SLC39A9: variants seen among roughly 807,000 people sequenced by gnomAD.
SLC39A9 encodes solute carrier family 39 member 9.
SLC39A9 carries 14 observed loss-of-function variants against 28.4 expected under a neutral mutation model. That is an observed-to-expected ratio of 0.49 (90% CI 0.33 to 0.77). SLC39A9 has a LOEUF of 0.77. Ranked by LOEUF, SLC39A9 falls within the 30% of genes least tolerant of loss-of-function variation. SLC39A9 has a pLI of 0.02. For synonymous variants in SLC39A9, 119 were observed against 149.6 expected (o/e 0.80, Z 1.49); for missense variants, 283 against 381.1 (o/e 0.74, Z 2.14).
intron 3 of SLC39A9, among the ~76,000 whole-genome samples, chr14:69,452,023 T>A (rs1885636003): frequency 6.6e-6 from 1 of 152,076 alleles, no homozygotes; most frequent in African/African-American, 2.4e-5. Context: ...GTCTTCAATT[T>A]TTTATTCTTT....
chr14:69,440,597 G>GA (rs1884997889), intron 2 of SLC39A9, among the ~76,000 whole-genome samples: 1 of 152,124 alleles, frequency 6.6e-6, no homozygotes, highest in Non-Finnish European at 1.5e-5. Context: ...AAGAAAGAAA[G>GA]AGAGAGAGAC....
intron 1 of SLC39A9, among the ~76,000 whole-genome samples, chr14:69,403,332 A>G (rs749454580): frequency 3.3e-5 from 5 of 152,308 alleles, no homozygotes; most frequent in Non-Finnish European, 2.9e-5. Flanking sequence ...AAATGGAGCT[A>G]TGATACAAAA....
intron 1 of SLC39A9, among the ~76,000 whole-genome samples, chr14:69,423,118 T>G (rs1052609775): frequency 2.6e-5 from 4 of 152,210 alleles, no homozygotes; most frequent in Non-Finnish European, 5.9e-5. Flanking sequence ...ATATTGCAAG[T>G]TATAAATTTT....
rs1304940981 is a variant in SLC39A9 at position 69,424,118 on chromosome 14, T to C, written c.121T>C (p.Leu41=). ...SEERLKLVTV[L]GAGLLCGTAL... ...GGAACGACTGAAGCTGGTGACTGTTTTGGGTGCTGGCCTTCTCTGTGGAAC... is the reference window on the plus strand; with the variant it reads ...GGAACGACTGAAGCTGGTGACTGTTCTGGGTGCTGGCCTTCTCTGTGGAAC... Residue 41 remains leucine (L), a synonymous_variant, in exon 2 of 7, where the codon TTG becomes CTG. Transcript: ENST00000336643. 3 of 1,613,782 alleles carry C rather than the reference T, an allele frequency of 1.9e-6. No homozygotes were observed. Among genetic ancestry groups the C allele is most frequent in the African/African-American group, 2.7e-5 (2 of 74,920 alleles).
intron 1 of SLC39A9, among the ~76,000 whole-genome samples, chr14:69,408,227 G>A (rs1478612130): frequency 6.6e-6 from 1 of 152,036 alleles, no homozygotes; most frequent in Non-Finnish European, 1.5e-5. Flanking sequence ...TGGCCAGGCT[G>A]TTCTCAAACT....
At chr14:69,427,224 G>A (rs1396754533) in intron 2 of SLC39A9, among the ~76,000 whole-genome samples, 2 of 151,660 alleles carry the variant, frequency 1.3e-5, no homozygotes, top group African/African-American at 4.8e-5. Context: ...GGCTGGTCTC[G>A]AACTCCTGGG....
intron 1 of SLC39A9, among the ~76,000 whole-genome samples, chr14:69,411,639 C>CTTTTATAT (rs1566908416): frequency 2.0e-5 from 3 of 152,096 alleles, no homozygotes; most frequent in African/African-American, 7.2e-5. Context: ...AAGAACCTGT[C>CTTTTATAT]AGCATTTTGT....
intron 2 of SLC39A9, among the ~76,000 whole-genome samples, chr14:69,426,638 C>A (rs1271595757): frequency 2.0e-5 from 3 of 152,148 alleles, no homozygotes; most frequent in Non-Finnish European, 4.4e-5. Context: ...AGCATTCCTC[C>A]CCCAAGGGTT....
intron 1 of SLC39A9, among the ~76,000 whole-genome samples, chr14:69,421,717 C>T (rs1883906560): frequency 6.6e-6 from 1 of 152,202 alleles, no homozygotes; most frequent in East Asian, 1.9e-4. Flanking sequence ...ATGGCAGACG[C>T]CCCTCCCCCA....
At chr14:69,409,457 A>C (rs555646686) in intron 1 of SLC39A9, among the ~76,000 whole-genome samples, 1 of 151,160 alleles carries the variant, frequency 6.6e-6, no homozygotes. Context: ...TTCTACCTCA[A>C]CCTCCCTAGT....
intron 2 of SLC39A9, among the ~76,000 whole-genome samples, chr14:69,426,825 A>G (rs1014687117): frequency 2.0e-5 from 3 of 152,184 alleles, no homozygotes; most frequent in Non-Finnish European, 4.4e-5. Context: ...ACAAAAACCA[A>G]TATATACACA....
Position 69,446,873 on chromosome 14 carries a change from C to CAAA in SLC39A9, c.403+4621_403+4623dup, listed in dbSNP as rs35612117. On this transcript the variant is annotated intron_variant, in intron 3 of 6. Transcript: ENST00000336643. ...GGGAGACAAGAACTAAACTCTGTCTCAAAAAAAAAAAAAAAAGAAAAAGAA... is the reference window on the plus strand; with the variant it reads ...GGGAGACAAGAACTAAACTCTGTCTCAAAAAAAAAAAAAAAAAAAGAAAAAGAA... Among the ~76,000 whole-genome samples the CAAA allele has an allele frequency of 3.8e-4, 34 of 89,800 alleles. No individual in the cohort carries two copies. The South Asian group carries it at 0.011, about 28-fold the overall frequency. The allele number at this position is 89,800 out of a possible 152,430, so 58.9% of individuals were successfully genotyped here. A position where few individuals can be genotyped will look rare whatever the true frequency, so the allele number is the denominator to read the frequency against.
chr14:69,422,340 A>AC (rs1396868570), intron 1 of SLC39A9, among the ~76,000 whole-genome samples: 4 of 151,944 alleles, frequency 2.6e-5, no homozygotes, highest in African/African-American at 9.7e-5. Context: ...CTATAGCCTC[A>AC]CCCTCCCCAT....
chr14:69,411,567 C>T (rs1393039884), intron 1 of SLC39A9, among the ~76,000 whole-genome samples: 1 of 152,154 alleles, frequency 6.6e-6, no homozygotes, highest in East Asian at 1.9e-4. Context: ...TCTTGAATGA[C>T]ACTTGGAATT....
At chr14:69,435,682 T>C (rs916635870) in intron 2 of SLC39A9, among the ~76,000 whole-genome samples, 15 of 151,154 alleles carry the variant, frequency 9.9e-5, no homozygotes, top group Non-Finnish European at 3.0e-5. Flanking sequence ...ACTATTTTCT[T>C]TTTTTTTTGA....
In SLC39A9 at chr14:69,461,982, A is replaced by G. The variant is rs1886131517; in HGVS notation, c.*3389A>G. The G allele has an allele frequency of 2.6e-6, 1 of 390,408 alleles. No individual in the cohort carries two copies. Among genetic ancestry groups the G allele is most frequent in the Non-Finnish European group, 4.6e-6 (1 of 217,634 alleles). The allele number at this position is 390,408 out of a possible 1,614,324, so 24.2% of individuals were successfully genotyped here. ...GAATGGTCCACATCACCCAAAGTGC[A>G]CTGTTGGAGATGCTGTGAAATTAAA... On this transcript the variant is annotated 3_prime_UTR_variant, in exon 7 of 7. Transcript: ENST00000336643.
intron 3 of SLC39A9, among the ~76,000 whole-genome samples, chr14:69,446,383 C>T (rs1427601449): frequency 2.6e-5 from 4 of 151,194 alleles, no homozygotes; most frequent in Non-Finnish European, 5.9e-5. Flanking sequence ...AGACTCAGGG[C>T]TGATTCCAGG....
chr14:69,428,241 A>G (rs905841170), intron 2 of SLC39A9, among the ~76,000 whole-genome samples: 1 of 147,840 alleles, frequency 6.8e-6, no homozygotes, highest in Non-Finnish European at 1.5e-5. Context: ...TGTGCCATGC[A>G]CCCCATCCTG....
chr14:69,423,997 C>G (rs1251404757), intron 1 of SLC39A9, 97 bp from the exon 2 acceptor site: 1 of 777,878 alleles, frequency 1.3e-6, no homozygotes, highest in Non-Finnish European at 2.2e-6. Flanking sequence ...GTTGGTCTCA[C>G]AAATGAGCAG....
Sources: allele counts gnomAD v4.1 joint callset (sites outside exome capture counted in the v4.1 genomes callset), GRCh38; gene constraint gnomAD v4.1.1; transcripts MANE v1.5; gene names NCBI Gene and HGNC (gene_info 2026-07-23, HGNC 2026-07-21).